Variants in TBC1D32 observed in about 807,000 individuals in gnomAD.
TBC1D32 encodes TBC1 domain family member 32, also known as protein broad-minded.
Under a neutral mutation model 170.3 loss-of-function variants are expected in TBC1D32, and 151 were observed. The observed-to-expected ratio is 0.89, with a 90% confidence interval of 0.78 to 1.01. The LOEUF (loss-of-function observed/expected upper bound fraction) is 1.01, where lower values mean the gene tolerates loss of function less well. TBC1D32 is among the 50% of genes least tolerant of loss of function. The pLI, the probability that TBC1D32 is intolerant of heterozygous loss-of-function variation, is 0.00. For missense variants in TBC1D32, 1,464 were observed against 1,457.1 expected (o/e 1.00, Z -0.08); for synonymous variants, 498 against 488.0 (o/e 1.02, Z -0.27).
At chr6:121,159,942 A>G in intron 24 of TBC1D32, 68 bp downstream of exon 24, 1 of 1,085,794 alleles carries the variant, frequency 9.2e-7, no homozygotes, top group Non-Finnish European at 1.4e-6. Context: ...CTTCCTTAAT[A>G]TTTTCTTTTT....
intron 8 of TBC1D32, 26 bp from the exon 9 acceptor site, chr6:121,303,787 C>G: frequency 6.9e-7 from 1 of 1,456,640 alleles, no homozygotes; most frequent in East Asian, 2.3e-5. Flanking sequence ...AAAAGAAATA[C>G]AATTACACAT....
intron 26 of TBC1D32, among the ~76,000 whole-genome samples, chr6:121,116,442 A>G (rs1779694512): frequency 6.6e-6 from 1 of 152,222 alleles, no homozygotes; most frequent in South Asian, 2.1e-4. Flanking sequence ...TGTTACATGA[A>G]TTCAGAAGAT....
At chr6:121,231,750 C>T (rs1384124675) in intron 20 of TBC1D32, among the ~76,000 whole-genome samples, 2 of 152,088 alleles carry the variant, frequency 1.3e-5, no homozygotes, top group Non-Finnish European at 2.9e-5. Flanking sequence ...CCTCAGCCCA[C>T]TTTTTGATAT....
At chr6:121,211,501 G>T (rs1257563499) in intron 21 of TBC1D32, among the ~76,000 whole-genome samples, 1 of 152,066 alleles carries the variant, frequency 6.6e-6, no homozygotes, top group Non-Finnish European at 1.5e-5. Flanking sequence ...CAAGTCCACT[G>T]TATCATTCTT....
chr6:121,301,359 A>G (rs1000019749), intron 9 of TBC1D32, among the ~76,000 whole-genome samples: 3 of 152,194 alleles, frequency 2.0e-5, no homozygotes, highest in Non-Finnish European at 4.4e-5. Context: ...ACACAGCCAT[A>G]AAAAAGGATG....
chr6:121,196,152 G>A lies in TBC1D32; in HGVS notation c.2570+8923C>T, dbSNP rs559749565. Among the ~76,000 whole-genome samples the A allele has an allele frequency of 2.1e-3, 326 of 152,270 alleles. 1 individual carries two copies. The highest frequency in any genetic ancestry group is 7.5e-3 in the African/African-American group (310 of 41,558). The stretch of plus-strand genomic sequence containing the variant: ...AATAATCAAGTGGATAGGATGACCC[G>A]TTCTGTGGACACCATTCAGCTTCTT... On this transcript the variant is annotated intron_variant, in intron 22 of 31. Transcript: ENST00000398212.
In TBC1D32 at chr6:121,294,633, G is replaced by A. The variant is rs1488064917; in HGVS notation, c.1168C>T (p.Gln390Ter). The change falls in exon 11 of 32, where the codon CAG (glutamine) becomes TAG (stop). Residue 390 changes from glutamine (Q) to a stop codon, truncating the protein, a stop_gained. Transcript: ENST00000398212. LOFTEE classifies it high-confidence loss of function. ...LVTTAIQQCV[Q>*]YFEMCKTRKA... ...CTAGTCTTACACATTTCAAAGTACTGAACACACTGTTGAATGGCTGTAGTT... is the reference window on the plus strand; with the variant it reads ...CTAGTCTTACACATTTCAAAGTACTAAACACACTGTTGAATGGCTGTAGTT... 6 of 1,612,340 alleles carry A rather than the reference G, an allele frequency of 3.7e-6. No individual in the cohort carries two copies. The highest frequency in any genetic ancestry group is 5.1e-6 in the Non-Finnish European group (6 of 1,179,282).
chr6:121,131,970 T>C (rs1414269568), intron 24 of TBC1D32, among the ~76,000 whole-genome samples: 1 of 151,996 alleles, frequency 6.6e-6, no homozygotes, highest in Non-Finnish European at 1.5e-5. Flanking sequence ...TAAAAGCTCA[T>C]AAAATGGATT....
At chr6:121,122,771 G>A (rs1229516933) in intron 26 of TBC1D32, among the ~76,000 whole-genome samples, 1 of 152,040 alleles carries the variant, frequency 6.6e-6, no homozygotes, top group Non-Finnish European at 1.5e-5. Flanking sequence ...CTGTCACAGT[G>A]TCAGTACCTA....
intron 22 of TBC1D32, among the ~76,000 whole-genome samples, chr6:121,203,427 G>A (rs765605136): frequency 6.6e-6 from 1 of 151,014 alleles, no homozygotes; most frequent in Non-Finnish European, 1.5e-5. Context: ...AAATTACTAG[G>A]TAGCATGTTT....
At chr6:121,156,766 G>C (rs1784945912) in intron 24 of TBC1D32, among the ~76,000 whole-genome samples, 1 of 151,976 alleles carries the variant, frequency 6.6e-6, no homozygotes, top group Non-Finnish European at 1.5e-5. Context: ...TAATTTCATT[G>C]TTCACTCAAG....
intron 13 of TBC1D32, among the ~76,000 whole-genome samples, chr6:121,282,769 A>G (rs1228220463): frequency 6.6e-6 from 1 of 151,850 alleles, no homozygotes; most frequent in Non-Finnish European, 1.5e-5. Flanking sequence ...TGGTAAACCA[A>G]TATATAAACA....
chr6:121,199,435 G>T (rs1230751790), intron 22 of TBC1D32, among the ~76,000 whole-genome samples: 2 of 151,176 alleles, frequency 1.3e-5, no homozygotes, highest in Non-Finnish European at 2.9e-5. Context: ...GCATAATAGG[G>T]TTAACAGTGG....
At chr6:121,137,519 C>T (rs115755990) in intron 24 of TBC1D32, among the ~76,000 whole-genome samples, 3,207 of 149,674 alleles carry the variant, frequency 0.021, 50 homozygotes, top group African/African-American at 0.045. Flanking sequence ...TCTGTCCTTA[C>T]CACCACTGAG....
rs1175228447 is a variant in TBC1D32 at position 121,113,098 on chromosome 6, G to A, written c.3133C>T (p.Leu1045=). The A allele has an allele frequency of 6.2e-7, 1 of 1,611,152 alleles. No homozygotes were observed. The highest frequency in any genetic ancestry group is 8.5e-7 in the Non-Finnish European group (1 of 1,178,828). The change falls in exon 28 of 32, where the codon CTG becomes TTG. Residue 1045 remains leucine (L), a synonymous_variant. Coordinates refer to ENST00000398212, the MANE Select transcript of TBC1D32 (RefSeq NM_152730.6). ...TTTATGGAAGTTTGCTGCTGTTTCA[G>A]GAATCTCTCACAATGCTTTAAAACC... ...TWVLKHCERF[L]KQQQTSIKSS... is the part of the protein sequence containing the mutation.
intron 12 of TBC1D32, among the ~76,000 whole-genome samples, chr6:121,287,984 C>A (rs1475510912): frequency 1.3e-5 from 2 of 152,168 alleles, no homozygotes; most frequent in African/African-American, 4.8e-5. Flanking sequence ...ACCAGAATCT[C>A]TGGGACACAT....
At chr6:121,086,287 T>C (rs1776267366) in intron 31 of TBC1D32, among the ~76,000 whole-genome samples, 1 of 152,012 alleles carries the variant, frequency 6.6e-6, no homozygotes. Context: ...ACACAGTGAG[T>C]GGCAAAGTTA....
chr6:121,131,667 G>A lies in TBC1D32; in HGVS notation c.2859C>T (p.Cys953=). Residue 953 remains cysteine (C), a synonymous_variant, in exon 25 of 32, where the codon TGC becomes TGT. Coordinates refer to ENST00000398212, the MANE Select transcript of TBC1D32 (RefSeq NM_152730.6). The part of the protein sequence containing the change: ...EWIENCQRQF[C]KMMKAKPDII... ...TATCAGGTTTGGCTTTCATCATTTTGCAAAATTGTCTTTGGCAGTTTTCTA... is the reference window on the plus strand; with the variant it reads ...TATCAGGTTTGGCTTTCATCATTTTACAAAATTGTCTTTGGCAGTTTTCTA... 6.2e-7 allele frequency: 1 copy of A among 1,611,494 alleles called. No individual in the cohort carries two copies. The highest frequency in any genetic ancestry group is 2.2e-5 in the East Asian group (1 of 44,646).
intron 24 of TBC1D32, among the ~76,000 whole-genome samples, chr6:121,153,788 C>T (rs1308595297): frequency 6.6e-6 from 1 of 152,108 alleles, no homozygotes; most frequent in Non-Finnish European, 1.5e-5. Context: ...GCTTGTTTTA[C>T]ATTGTGAGGG....
Sources: gnomAD v4.1 joint callset for allele counts (sites outside exome capture counted in the v4.1 genomes callset) on GRCh38, gnomAD v4.1.1 for gene constraint, MANE v1.5 for transcripts, NCBI Gene and HGNC (gene_info 2026-07-23, HGNC 2026-07-21) for gene names.